Variants in ADGRD1 observed in about 807,000 individuals in gnomAD.
ADGRD1 encodes adhesion G protein-coupled receptor D1.
A neutral mutation model predicts 113.4 loss-of-function variants in ADGRD1; 77 were observed. The observed-to-expected ratio is 0.68, with a 90% confidence interval of 0.57 to 0.82. The LOEUF (loss-of-function observed/expected upper bound fraction) is 0.82. ADGRD1 is among the 40% of genes least tolerant of loss of function. ADGRD1 has a pLI of 0.00. For missense variants in ADGRD1, 1,036 were observed against 1,139.1 expected, an observed-to-expected ratio of 0.91 and a Z score of 1.30; for synonymous variants, 474 against 475.0, an observed-to-expected ratio of 1.00 and a Z score of 0.03.
At chr12:131,039,262 C>G (rs1045920219) in intron 13 of ADGRD1, among the ~76,000 whole-genome samples, 1 of 152,006 alleles carries the variant, frequency 6.6e-6, no homozygotes, top group African/African-American at 2.4e-5. Flanking sequence ...CGGGACGGTG[C>G]GGAGAGCCCT....
chr12:130,977,828 T>A (rs1006754079), intron 4 of ADGRD1: 2 of 152,368 alleles, frequency 1.3e-5, no homozygotes. Flanking sequence ...GGGCCGCTGC[T>A]TTGTTGGCAT....
chr12:131,085,423 GA>G (rs67054050), intron 15 of ADGRD1, among the ~76,000 whole-genome samples: 20,116 of 152,152 alleles, frequency 0.13, 1,412 homozygotes, highest in Middle Eastern at 0.19. Flanking sequence ...GGGGAGGCGG[GA>G]GGCAGGGAGG....
intron 20 of ADGRD1, among the ~76,000 whole-genome samples, chr12:131,129,446 G>GAGTC: frequency 8.3e-6 from 1 of 121,122 alleles, no homozygotes; most frequent in Non-Finnish European, 1.8e-5. Flanking sequence ...GTCTGGGTGT[G>GAGTC]ACAGGCCCGC....
At chr12:131,062,186 G>A (rs771128569) in intron 13 of ADGRD1, among the ~76,000 whole-genome samples, 2 of 152,034 alleles carry the variant, frequency 1.3e-5, no homozygotes, top group African/African-American at 4.8e-5. Context: ...TGGTAGAGAC[G>A]GGGTTTCACT....
Position 130,979,815 on chromosome 12 carries a change from T to TCACA in ADGRD1, c.311-2068_311-2067insACAC, listed in dbSNP as rs1491129989. Among the ~76,000 whole-genome samples, 967 of 139,774 alleles carry TCACA rather than the reference T, an allele frequency of 6.9e-3. 9 individuals carry two copies. The highest frequency in any genetic ancestry group is 0.023 in the South Asian group (103 of 4,386). 91.7% of individuals were successfully genotyped at this position (139,774 alleles called of 152,430 possible). A position where few individuals can be genotyped will look rare whatever the true frequency, so the allele number is the denominator to read the frequency against. On this transcript the variant is annotated intron_variant, in intron 4 of 24. Coordinates refer to ENST00000261654, the MANE Select transcript of ADGRD1 (RefSeq NM_198827.5). ...GCAGAATCCAGACAGGCAGCTAGTG[T>TCACA]CTCACACACACACACACACACACAC... is the stretch of plus-strand genomic sequence containing the variant.
chr12:130,963,186 G>A (rs992845436), intron 2 of ADGRD1, among the ~76,000 whole-genome samples: 5 of 151,986 alleles, frequency 3.3e-5, no homozygotes, highest in African/African-American at 4.8e-5. Context: ...CAGGCGTGGT[G>A]GCGGGCGCCT....
At chr12:131,135,686 C>A (rs1266326894) in intron 21 of ADGRD1, among the ~76,000 whole-genome samples, 1 of 150,862 alleles carries the variant, frequency 6.6e-6, no homozygotes, top group Non-Finnish European at 1.5e-5. Flanking sequence ...TGCTTCAGTC[C>A]CCCGAATCTC....
chr12:131,098,043 G>A (rs1423688808), intron 15 of ADGRD1, among the ~76,000 whole-genome samples: 5 of 140,078 alleles, frequency 3.6e-5, no homozygotes, highest in South Asian at 2.3e-4. Context: ...GCACCCCCGC[G>A]CCAGCCTCAC....
intron 4 of ADGRD1, chr12:130,978,615 CA>C (rs1872598627): frequency 6.6e-6 from 1 of 152,078 alleles, no homozygotes; most frequent in Non-Finnish European, 1.5e-5. Flanking sequence ...AGGTAGAAGT[CA>C]TTGTTTTGTG....
chr12:131,101,377 C>CTTTTTTTTTTTTT (rs71095334), intron 15 of ADGRD1, among the ~76,000 whole-genome samples: 33 of 36,128 alleles, frequency 9.1e-4, no homozygotes, highest in African/African-American at 1.6e-3. Flanking sequence ...TTCTTTCTTT[C>CTTTTTTTTTTTTT]TTTTTTTTTT....
At chr12:131,123,064 T>TG (rs1950641577) in intron 20 of ADGRD1, among the ~76,000 whole-genome samples, 3 of 137,086 alleles carry the variant, frequency 2.2e-5, no homozygotes, top group African/African-American at 8.3e-5. Flanking sequence ...TTTTTTTTTT[T>TG]TTTTTTTTTG....
At chr12:131,070,805 A>T in intron 13 of ADGRD1, 1 of 518,978 alleles carries the variant, frequency 1.9e-6, no homozygotes, top group Non-Finnish European at 3.8e-6. Context: ...ATGTGACTTC[A>T]GGCTGTGTCC....
In ADGRD1 at chr12:131,060,976, C is replaced by T. The variant is rs900740326; in HGVS notation, c.1474-15825C>T. On this transcript the variant is annotated intron_variant, in intron 13 of 24. Coordinates refer to ENST00000261654, the MANE Select transcript of ADGRD1 (RefSeq NM_198827.5). The surrounding 1 kb of genome is among the most constrained non-coding windows in gnomAD (Gnocchi z 4.4). Reference sequence around the variant, plus strand: ...GTCCCTCCTCCTGGGGTGCATTTTACGTAACACTGTTCAGACCTGGACACC... The same window carrying T: ...GTCCCTCCTCCTGGGGTGCATTTTATGTAACACTGTTCAGACCTGGACACC... Among the ~76,000 whole-genome samples, 5 of 152,014 alleles carry T rather than the reference C, an allele frequency of 3.3e-5. No individual in the cohort carries two copies. Among genetic ancestry groups the T allele is most frequent in the Admixed American group, 6.6e-5 (1 of 15,262 alleles).
intron 5 of ADGRD1, among the ~76,000 whole-genome samples, chr12:130,982,839 C>T (rs1873184215): frequency 6.6e-6 from 1 of 151,988 alleles, no homozygotes; most frequent in African/African-American, 2.4e-5. Context: ...GAACAGGTGG[C>T]TGGGGACACA....
At chr12:131,137,999 C>T (rs1951139789) in intron 23 of ADGRD1, 138 bp from the exon 24 acceptor site, 3 of 683,920 alleles carry the variant, frequency 4.4e-6, no homozygotes, top group Non-Finnish European at 7.8e-6. Flanking sequence ...AGCTGTGGAG[C>T]CAGCAGCTCC....
At chr12:131,112,288 A>G (rs1950363643) in intron 18 of ADGRD1, among the ~76,000 whole-genome samples, 1 of 152,044 alleles carries the variant, frequency 6.6e-6, no homozygotes, top group Admixed American at 6.5e-5. Flanking sequence ...CTCTCTACTT[A>G]TGTTTGTATG....
Position 131,139,330 on chromosome 12 carries a change from C to T in ADGRD1, c.*67C>T, listed in dbSNP as rs1394581420. 9.1e-7 allele frequency: 1 copy of T among 1,096,404 alleles called. No homozygotes were observed. 67.9% of individuals were successfully genotyped at this position (1,096,404 alleles called of 1,614,324 possible). ...ACCCCCCCAAACAGAATGAAATGCC[C>T]CACCTTTGCCCATGGACCCTCTCCT... is the stretch of plus-strand genomic sequence containing the variant. On this transcript the variant is annotated 3_prime_UTR_variant, in exon 25 of 25. Transcript: ENST00000261654.
chr12:131,093,333 A>C (rs1245563408), intron 15 of ADGRD1, among the ~76,000 whole-genome samples: 1 of 152,074 alleles, frequency 6.6e-6, no homozygotes, highest in Non-Finnish European at 1.5e-5. Flanking sequence ...TTTTCTGGGC[A>C]TTTCTAAATC....
chr12:131,029,248 A>G (rs1435452590), intron 13 of ADGRD1, among the ~76,000 whole-genome samples: 5 of 152,190 alleles, frequency 3.3e-5, no homozygotes, highest in African/African-American at 1.2e-4. Context: ...TATATTGACT[A>G]TTATAGTCAG....
Sources: gnomAD v4.1 joint callset for allele counts (sites outside exome capture counted in the v4.1 genomes callset) on GRCh38, gnomAD v4.1.1 for gene constraint, Gnocchi (gnomAD v3.1) non-coding constraint, MANE v1.5 for transcripts, NCBI Gene and HGNC (gene_info 2026-07-23, HGNC 2026-07-21) for gene names.